HCN1: variants seen among roughly 807,000 people sequenced by gnomAD.
HCN1 encodes the protein hyperpolarization activated cyclic nucleotide gated potassium channel 1, also known as potassium/sodium hyperpolarization-activated cyclic nucleotide-gated channel 1.
In HCN1, 13 loss-of-function variants were observed where a neutral mutation model predicts 78.9. That is an observed-to-expected ratio of 0.16 (90% CI 0.11 to 0.26). The LOEUF (loss-of-function observed/expected upper bound fraction) is 0.26. Ranked by LOEUF, HCN1 falls within the 10% of genes least tolerant of loss-of-function variation. The pLI is 1.00. For synonymous variants in HCN1, 552 were observed against 455.5 expected (o/e 1.21, Z -2.70); for missense variants, 810 against 1,154.3 (o/e 0.70, Z 4.32).
In HCN1 at chr5:45,631,319, TAAG is replaced by T. The variant is rs1745265653; in HGVS notation, c.849+13863_849+13865del. 2.0e-5 allele frequency among the ~76,000 whole-genome samples: 3 copies of T among 152,262 alleles called. No homozygotes were observed. The South Asian group carries it at 6.2e-4, about 32-fold the overall frequency. ...ATGTGACATTTTGGCCAAAAAGTTA[TAAG>T]AAGTGAAATATATCACTTCTGAGTC... On this transcript the variant is annotated intron_variant, in intron 2 of 7. Coordinates refer to ENST00000303230, the MANE Select transcript of HCN1 (RefSeq NM_021072.4).
At chr5:45,494,520 G>A (rs1379346215) in intron 2 of HCN1, among the ~76,000 whole-genome samples, 3 of 150,060 alleles carry the variant, frequency 2.0e-5, no homozygotes, top group Non-Finnish European at 4.5e-5. Flanking sequence ...AGATGAGTAG[G>A]TTGCGAAAAT....
chr5:45,566,067 C>T (rs1053964757), intron 2 of HCN1, among the ~76,000 whole-genome samples: 1 of 152,114 alleles, frequency 6.6e-6, no homozygotes, highest in Admixed American at 6.5e-5. Context: ...AGTTCTATCA[C>T]AGGTCAATAT....
chr5:45,304,459 C>T (rs1391432195), intron 5 of HCN1, among the ~76,000 whole-genome samples: 3 of 152,060 alleles, frequency 2.0e-5, no homozygotes, highest in East Asian at 2.0e-4. Flanking sequence ...GGGTGGATCA[C>T]GAGGTCAGGA....
rs58485329 is a variant in HCN1 at position 45,587,601 on chromosome 5, T to G, written c.849+57584A>C. 5.5e-4 allele frequency among the ~76,000 whole-genome samples: 84 copies of G among 151,656 alleles called. 1 individual carries two copies. The highest frequency in any genetic ancestry group is 1.8e-3 in the African/African-American group (75 of 41,290). On this transcript the variant is annotated intron_variant, in intron 2 of 7. Transcript: ENST00000303230. ...CATTAGGAGATATACCTAATGTAAA[T>G]GACGAGTGAATGGGTGCAGCACACC...
intron 5 of HCN1, among the ~76,000 whole-genome samples, chr5:45,351,534 A>T (rs1746903264): frequency 9.3e-6 from 1 of 107,864 alleles, no homozygotes; most frequent in Non-Finnish European, 1.7e-5. Context: ...ATGGGATCTA[A>T]TTAAACTAAA....
At chr5:45,304,281 A>G (rs1745684435) in intron 5 of HCN1, among the ~76,000 whole-genome samples, 1 of 146,970 alleles carries the variant, frequency 6.8e-6, no homozygotes, top group Non-Finnish European at 1.5e-5. Context: ...CAGCTACCAG[A>G]CAAAAACATT....
At chr5:45,347,067 G>C (rs1450754331) in intron 5 of HCN1, among the ~76,000 whole-genome samples, 1 of 152,222 alleles carries the variant, frequency 6.6e-6, no homozygotes, top group African/African-American at 2.4e-5. Context: ...GCCTCCCCAA[G>C]TGGGTCCCTG....
intron 4 of HCN1, among the ~76,000 whole-genome samples, chr5:45,365,099 C>T (rs1747206751): frequency 6.6e-6 from 1 of 151,928 alleles, no homozygotes; most frequent in Non-Finnish European, 1.5e-5. Flanking sequence ...TTGTCAAGAA[C>T]AAGCTTTGAA....
At chr5:45,508,331 C>T (rs577122493) in intron 2 of HCN1, among the ~76,000 whole-genome samples, 12 of 151,966 alleles carry the variant, frequency 7.9e-5, no homozygotes, top group African/African-American at 2.9e-4. Context: ...TCCAGGCTAT[C>T]CTCAATGTTC....
intron 5 of HCN1, among the ~76,000 whole-genome samples, chr5:45,334,025 A>T (rs886225517): frequency 6.6e-6 from 1 of 151,760 alleles, no homozygotes; most frequent in Non-Finnish European, 1.5e-5. Context: ...AATTATCTTC[A>T]TAATTTTAGT....
intron 4 of HCN1, among the ~76,000 whole-genome samples, chr5:45,386,819 T>A (rs763183038): frequency 2.0e-5 from 3 of 152,114 alleles, no homozygotes; most frequent in Non-Finnish European, 4.4e-5. Flanking sequence ...TTAATAACAC[T>A]CTCATGCTAA....
intron 2 of HCN1, among the ~76,000 whole-genome samples, chr5:45,516,712 T>C (rs1169548683): frequency 2.1e-4 from 32 of 151,950 alleles, no homozygotes; most frequent in Admixed American, 2.0e-3. Context: ...AAGCCAAAGC[T>C]AATTGTGTCT....
chr5:45,624,437 G>A (rs1051066201), intron 2 of HCN1, among the ~76,000 whole-genome samples: 6 of 152,148 alleles, frequency 3.9e-5, no homozygotes, highest in Non-Finnish European at 5.9e-5. Context: ...CAGTGGAATA[G>A]AATGGACTAC....
At chr5:45,382,256 TATC>T (rs1342248475) in intron 4 of HCN1, among the ~76,000 whole-genome samples, 1 of 152,166 alleles carries the variant, frequency 6.6e-6, no homozygotes, top group African/African-American at 2.4e-5. Context: ...TTAGAGCACT[TATC>T]ATCATCTGCA....
chr5:45,258,164 C>A lies in HCN1; in HGVS notation c.*3757G>T, dbSNP rs1271397269. 6.6e-6 allele frequency: 1 copy of A among 152,024 alleles called. No homozygotes were observed. Among genetic ancestry groups the A allele is most frequent in the East Asian group, 1.9e-4 (1 of 5,186 alleles). The allele number at this position is 152,024 out of a possible 1,614,324, so 9.4% of individuals were successfully genotyped here. On this transcript the variant is annotated 3_prime_UTR_variant, in exon 8 of 8. Transcript: ENST00000303230. Reference sequence around the variant, plus strand: ...TAGTAAAATTAACAAATATAAAAACCTAAGCTGAAAGAGGAGGTATGGAGA... The same window carrying A: ...TAGTAAAATTAACAAATATAAAAACATAAGCTGAAAGAGGAGGTATGGAGA...
At chr5:45,300,136 G>A (rs565385315) in intron 6 of HCN1, among the ~76,000 whole-genome samples, 2 of 152,052 alleles carry the variant, frequency 1.3e-5, no homozygotes, top group South Asian at 2.1e-4. Flanking sequence ...CAAAACATAT[G>A]TCGACTTCAC....
At chr5:45,688,505 C>A (rs528280413) in intron 1 of HCN1, among the ~76,000 whole-genome samples, 12 of 152,202 alleles carry the variant, frequency 7.9e-5, no homozygotes, top group African/African-American at 2.6e-4. Context: ...AAAATAAGAG[C>A]TTTCATTGCT....
chr5:45,313,970 C>A (rs2111922003), intron 5 of HCN1, among the ~76,000 whole-genome samples: 1 of 152,284 alleles, frequency 6.6e-6, no homozygotes, highest in East Asian at 1.9e-4. Flanking sequence ...AGAACTTCCC[C>A]AACCTAGCAA....
intron 2 of HCN1, among the ~76,000 whole-genome samples, chr5:45,561,432 G>C (rs1447844100): frequency 6.6e-6 from 1 of 151,932 alleles, no homozygotes; most frequent in Admixed American, 6.6e-5. Flanking sequence ...CACTTAAGTT[G>C]ACTTCTAAAG....
Sources: allele counts gnomAD v4.1 joint callset (sites outside exome capture counted in the v4.1 genomes callset), GRCh38; gene constraint gnomAD v4.1.1; transcripts MANE v1.5; gene names NCBI Gene and HGNC (gene_info 2026-07-23, HGNC 2026-07-21).